Variants in MAGI3 observed in about 807,000 individuals in gnomAD.
MAGI3 encodes membrane-associated guanylate kinase, WW and PDZ domain-containing protein 3.
Under a neutral mutation model 121.8 loss-of-function variants are expected in MAGI3, and 43 were observed. The ratio of observed to expected loss-of-function variants is 0.35; its 90% CI spans 0.28 to 0.46. The LOEUF (loss-of-function observed/expected upper bound fraction) is 0.46, where lower values mean the gene tolerates loss of function less well. MAGI3 is among the 20% of genes least tolerant of loss of function. MAGI3 has a pLI of 1.00. For missense variants in MAGI3, 1,547 were observed against 1,797.3 expected (o/e 0.86, Z 2.52); for synonymous variants, 553 against 639.3 (o/e 0.86, Z 2.04).
At chr1:113,477,762 G>C (rs966054597) in intron 1 of MAGI3, among the ~76,000 whole-genome samples, 1 of 152,142 alleles carries the variant, frequency 6.6e-6, no homozygotes, top group Non-Finnish European at 1.5e-5. Flanking sequence ...TCCTGAATTT[G>C]AATGTTGGCC....
At chr1:113,406,159 C>T (rs1262295006) in intron 1 of MAGI3, among the ~76,000 whole-genome samples, 1 of 151,234 alleles carries the variant, frequency 6.6e-6, no homozygotes, top group Non-Finnish European at 1.5e-5. Context: ...AAATAGTGGG[C>T]CGGACATGAT....
At chr1:113,513,013 A>G (rs930256453) in intron 1 of MAGI3, among the ~76,000 whole-genome samples, 6 of 152,086 alleles carry the variant, frequency 3.9e-5, no homozygotes, top group South Asian at 2.1e-4. Flanking sequence ...TCATGAGTGA[A>G]CTCCCATTCA....
intron 15 of MAGI3, among the ~76,000 whole-genome samples, chr1:113,656,391 T>C (rs1225266915): frequency 6.6e-6 from 1 of 151,918 alleles, no homozygotes; most frequent in African/African-American, 2.4e-5. Flanking sequence ...AGGAAACCTG[T>C]CTCAGAATAG....
chr1:113,681,053 C>G, intron 19 of MAGI3, 145 bp from the exon 20 acceptor site: 2 of 808,826 alleles, frequency 2.5e-6, no homozygotes, highest in Non-Finnish European at 1.8e-6. Context: ...CTCATCAACT[C>G]TCACATGGCA....
intron 1 of MAGI3, among the ~76,000 whole-genome samples, chr1:113,438,850 C>CT (rs1653772104): frequency 6.6e-6 from 1 of 152,200 alleles, no homozygotes; most frequent in African/African-American, 2.4e-5. Context: ...GTACAAATAT[C>CT]TTTTTCCTTC....
Position 113,683,581 on chromosome 1 carries a change from G to A in MAGI3, c.4013G>A (p.Arg1338Lys). Residue 1338 changes from arginine to lysine, a missense_variant, in exon 21 of 21, where the codon AGG becomes AAG. Coordinates refer to ENST00000307546, the MANE Select transcript of MAGI3 (RefSeq NM_001142782.2). ...GGGAAGGAAAAATCAGACGTCATCA[G>A]GAAAGATGCAAAGCAGAATCAGTTG... Reference protein sequence around the residue: ...PDGKEKSDVIRKDAKQNQLEK... With the variant: ...PDGKEKSDVIKKDAKQNQLEK... 2 of 1,613,820 alleles carry A rather than the reference G, an allele frequency of 1.2e-6. No individual in the cohort carries two copies. Among genetic ancestry groups the A allele is most frequent in the Non-Finnish European group, 1.7e-6 (2 of 1,179,884 alleles).
At chr1:113,467,923 A>C (rs970676279) in intron 1 of MAGI3, among the ~76,000 whole-genome samples, 4 of 152,222 alleles carry the variant, frequency 2.6e-5, no homozygotes, top group African/African-American at 9.6e-5. Context: ...TTGTATATAA[A>C]TATTTATAAT....
intron 9 of MAGI3, among the ~76,000 whole-genome samples, chr1:113,636,389 A>G (rs1652026304): frequency 1.3e-5 from 2 of 152,132 alleles, no homozygotes; most frequent in African/African-American, 4.8e-5. Context: ...CCCTCTACAC[A>G]CTGCTTTGAA....
intron 1 of MAGI3, among the ~76,000 whole-genome samples, chr1:113,454,125 G>T (rs1290874086): frequency 6.6e-6 from 1 of 152,168 alleles, no homozygotes; most frequent in African/African-American, 2.4e-5. Flanking sequence ...CAGGAATTAT[G>T]CAAGCCATTT....
chr1:113,659,253 A>G lies in MAGI3; in HGVS notation c.2803A>G (p.Ile935Val), dbSNP rs1168098128. The part of the protein sequence containing the change: ...DAGVTVTLTV[I>V]AEEEHHGPPS... Reference sequence around the variant, plus strand: ...TGGTGTCACCGTCACACTAACGGTCATTGCTGAAGAAGGTAAGGAGCCAGT... The same window carrying G: ...TGGTGTCACCGTCACACTAACGGTCGTTGCTGAAGAAGGTAAGGAGCCAGT... Residue 935 changes from isoleucine (I) to valine (V), a missense_variant, in exon 16 of 21, where the codon ATT becomes GTT. Ile to Val is a conservative substitution (Grantham distance 29). Coordinates refer to ENST00000307546, the MANE Select transcript of MAGI3 (RefSeq NM_001142782.2). 2 of 1,613,454 alleles carry G rather than the reference A, an allele frequency of 1.2e-6. No individual in the cohort carries two copies. Among genetic ancestry groups the G allele is most frequent in the South Asian group, 2.2e-5 (2 of 90,902 alleles).
At chr1:113,533,390 A>C (rs914654253) in intron 1 of MAGI3, among the ~76,000 whole-genome samples, 1 of 152,162 alleles carries the variant, frequency 6.6e-6, no homozygotes, top group South Asian at 2.1e-4. Context: ...CATTGAGTAC[A>C]CATGGATAGA....
At chr1:113,630,231 C>A (rs1475375206) in intron 9 of MAGI3, among the ~76,000 whole-genome samples, 1 of 152,196 alleles carries the variant, frequency 6.6e-6, no homozygotes, top group Non-Finnish European at 1.5e-5. Flanking sequence ...TGGCCACCAA[C>A]ACTGGCCCAT....
intron 9 of MAGI3, among the ~76,000 whole-genome samples, chr1:113,624,557 T>C (rs1651100023): frequency 6.6e-6 from 1 of 152,220 alleles, no homozygotes; most frequent in Admixed American, 6.5e-5. Context: ...TTAATCAGAT[T>C]ATTAGATTTT....
chr1:113,503,687 A>G (rs201917964), intron 1 of MAGI3, among the ~76,000 whole-genome samples: 2 of 111,704 alleles, frequency 1.8e-5, no homozygotes, highest in Non-Finnish European at 4.1e-5. Flanking sequence ...AAGGAAATGA[A>G]TAATCTTCAG....
intron 9 of MAGI3, among the ~76,000 whole-genome samples, chr1:113,638,220 T>A (rs1198689428): frequency 2.0e-5 from 3 of 152,256 alleles, no homozygotes; most frequent in Non-Finnish European, 4.4e-5. Context: ...GAAGCCTTCT[T>A]CTCTCAACTC....
chr1:113,623,097 T>A, intron 9 of MAGI3, 103 bp downstream of exon 9: 1 of 796,534 alleles, frequency 1.3e-6, no homozygotes, highest in East Asian at 3.3e-5. Flanking sequence ...TTAAATTATA[T>A]AACTAAAGAA....
chr1:113,568,990 G>GA (rs1290312914), intron 2 of MAGI3, among the ~76,000 whole-genome samples: 1 of 152,042 alleles, frequency 6.6e-6, no homozygotes, highest in Non-Finnish European at 1.5e-5. Context: ...TTAAAAAGGT[G>GA]AAAAAATCAG....
intron 17 of MAGI3, 47 bp from the exon 18 acceptor site, chr1:113,672,568 T>C (rs1296824147): frequency 6.3e-7 from 1 of 1,576,858 alleles, no homozygotes; most frequent in South Asian, 1.2e-5. Flanking sequence ...TTAGACTGTT[T>C]TTCATTTTCT....
chr1:113,565,031 G>A (rs1465873087), intron 2 of MAGI3, among the ~76,000 whole-genome samples: 1 of 151,598 alleles, frequency 6.6e-6, no homozygotes, highest in Non-Finnish European at 1.5e-5. Context: ...TGTATTTTTA[G>A]TAGAGATGGG....
Sources: allele counts gnomAD v4.1 joint callset (sites outside exome capture counted in the v4.1 genomes callset), GRCh38; gene constraint gnomAD v4.1.1; transcripts MANE v1.5; gene names NCBI Gene and HGNC (gene_info 2026-07-23, HGNC 2026-07-21).